The following CDH12 variants were observed in gnomAD, a reference collection of about 807,000 sequenced individuals.
CDH12 encodes the protein cadherin-12.
CDH12 carries 41 observed loss-of-function variants against 74.1 expected under a neutral mutation model. That is an observed-to-expected ratio of 0.55 (90% confidence interval 0.43 to 0.72). CDH12 has a LOEUF of 0.72. Among genes scored for constraint, CDH12 ranks in the 30% least tolerant of loss-of-function variants. CDH12 has a pLI of 0.00. For missense variants in CDH12, 945 were observed against 977.2 expected (o/e 0.97, Z 0.44); for synonymous variants, 399 against 355.0 (o/e 1.12, Z -1.39).
intron 4 of CDH12, among the ~76,000 whole-genome samples, chr5:22,147,589 TA>T (rs147619864): frequency 0.014 from 1,950 of 142,524 alleles, 27 homozygotes; most frequent in African/African-American, 0.038. Flanking sequence ...TAGTTTATCT[TA>T]AAAAAAAAAA....
intron 3 of CDH12, among the ~76,000 whole-genome samples, chr5:22,321,983 C>A (rs1338780946): frequency 6.6e-6 from 1 of 152,050 alleles, no homozygotes; most frequent in East Asian, 1.9e-4. Context: ...AATTCGATAT[C>A]TATTTCATAA....
chr5:21,918,912 A>C (rs1048308086), intron 6 of CDH12, among the ~76,000 whole-genome samples: 20 of 152,178 alleles, frequency 1.3e-4, no homozygotes, highest in Admixed American at 1.1e-3. Flanking sequence ...TCTCTAATGT[A>C]TATTCTATAT....
chr5:22,425,077 T>TAGAG (rs56983010), intron 2 of CDH12, among the ~76,000 whole-genome samples: 2 of 101,724 alleles, frequency 2.0e-5, no homozygotes, highest in South Asian at 3.1e-4. Flanking sequence ...TATATATATA[T>TAGAG]AGAGAGAGAG....
At chr5:22,040,709 C>A (rs2150182972) in intron 5 of CDH12, among the ~76,000 whole-genome samples, 1 of 152,204 alleles carries the variant, frequency 6.6e-6, no homozygotes, top group East Asian at 1.9e-4. Flanking sequence ...AGCTACCAAA[C>A]TTGTCCTTCA....
Position 22,771,159 on chromosome 5 carries a change from C to T in CDH12, c.-523+81899G>A, listed in dbSNP as rs1464080319. 2.0e-5 allele frequency among the ~76,000 whole-genome samples: 3 copies of T among 152,124 alleles called. No homozygotes were observed. The East Asian group carries it at 5.8e-4, about 29-fold the overall frequency. On this transcript the variant is annotated intron_variant, in intron 1 of 14. Transcript: ENST00000382254. The stretch of plus-strand genomic sequence containing the variant: ...CCAAAAAGTCCATGGTTTATTTTGT[C>T]AAATCCTTGAGAAGATAGTTCTATG...
intron 1 of CDH12, among the ~76,000 whole-genome samples, chr5:22,526,056 C>T (rs547787447): frequency 2.0e-5 from 3 of 152,070 alleles, no homozygotes; most frequent in Non-Finnish European, 4.4e-5. Context: ...ATCTTTCTTT[C>T]TCAAAGCCGA....
At chr5:22,639,875 A>G (rs1166395740) in intron 1 of CDH12, among the ~76,000 whole-genome samples, 1 of 152,164 alleles carries the variant, frequency 6.6e-6, no homozygotes, top group Non-Finnish European at 1.5e-5. Flanking sequence ...TTCAGGCCCG[A>G]GTGACTTACA....
At chr5:22,117,512 AATATATATATAATATAT>A (rs1561129242) in intron 4 of CDH12, among the ~76,000 whole-genome samples, 4 of 58,574 alleles carry the variant, frequency 6.8e-5, no homozygotes, top group African/African-American at 2.2e-4. Context: ...ATATATATAT[AATATATATATAATATAT>A]ATATATATAT....
chr5:22,018,630 G>A (rs1470211245), intron 5 of CDH12, among the ~76,000 whole-genome samples: 1 of 152,160 alleles, frequency 6.6e-6, no homozygotes, highest in Admixed American at 6.6e-5. Context: ...TTTGTTTATG[G>A]TTGTTACATA....
chr5:22,571,857 G>A (rs562473494), intron 1 of CDH12, among the ~76,000 whole-genome samples: 7 of 152,136 alleles, frequency 4.6e-5, no homozygotes, highest in Admixed American at 2.0e-4. Flanking sequence ...CATGGTTCAT[G>A]GCACTACAAA....
At chr5:22,494,568 T>C (rs1329518172) in intron 2 of CDH12, among the ~76,000 whole-genome samples, 3 of 152,244 alleles carry the variant, frequency 2.0e-5, no homozygotes, top group Non-Finnish European at 4.4e-5. Flanking sequence ...TGTGATGTTC[T>C]TGTGACCAGA....
At chr5:21,931,596 C>A (rs6452037) in intron 6 of CDH12, among the ~76,000 whole-genome samples, 115,549 of 152,184 alleles carry the variant, frequency 0.76, 46,078 homozygotes, top group East Asian at 0.93. Flanking sequence ...CAGGTTAACA[C>A]ATAAAAATGA....
At chr5:21,976,854 T>G (rs191700308) in intron 5 of CDH12, among the ~76,000 whole-genome samples, 66 of 152,194 alleles carry the variant, frequency 4.3e-4, no homozygotes, top group African/African-American at 1.5e-3. Context: ...TCTGAAAATA[T>G]TTTAAATTAT....
rs150195751 is a variant in CDH12 at position 21,830,009 on chromosome 5, G to A, written c.814+12152C>T. The stretch of plus-strand genomic sequence containing the variant: ...AGGTCAGGAATTTAAGACCAGCTTG[G>A]CCAACATGGTGAAACCCCATCTCTA... On this transcript the variant is annotated intron_variant, in intron 8 of 14. Transcript: ENST00000382254. Among the ~76,000 whole-genome samples the A allele has an allele frequency of 2.4e-4, 36 of 151,636 alleles. 1 individual carries two copies. In the East Asian group the frequency reaches 5.1e-3, roughly 21 times the overall value.
rs116006809 is a variant in CDH12 at position 22,680,727 on chromosome 5, G to T, written c.-523+172331C>A. ...TGGGCAGCCACATAGAGTTTCTGGG[G>T]TTAAATAATACGTACTACTAACTGT... On this transcript the variant is annotated intron_variant, in intron 1 of 14. Transcript: ENST00000382254. 1.6e-3 allele frequency among the ~76,000 whole-genome samples: 248 copies of T among 151,804 alleles called. 1 individual carries two copies. Among genetic ancestry groups the T allele is most frequent in the African/African-American group, 5.8e-3 (239 of 41,218 alleles).
chr5:22,510,486 T>C lies in CDH12; in HGVS notation c.-522-5122A>G, dbSNP rs1292351613. On this transcript the variant is annotated intron_variant, in intron 1 of 14. Coordinates refer to ENST00000382254, the MANE Select transcript of CDH12 (RefSeq NM_004061.5). Reference sequence around the variant, plus strand: ...AGAACAGACTTTTAAATAAGTGGAATAGGAAAAACCCACCATGCAGATGCA... The same window carrying C: ...AGAACAGACTTTTAAATAAGTGGAACAGGAAAAACCCACCATGCAGATGCA... Among the ~76,000 whole-genome samples, 13 of 152,280 alleles carry C rather than the reference T, an allele frequency of 8.5e-5. 1 individual carries two copies. Among genetic ancestry groups the C allele is most frequent in the Admixed American group, 5.9e-4 (9 of 15,296 alleles).
At chr5:22,536,543 A>C (rs1737853683) in intron 1 of CDH12, among the ~76,000 whole-genome samples, 1 of 152,078 alleles carries the variant, frequency 6.6e-6, no homozygotes, top group Admixed American at 6.6e-5. Flanking sequence ...GTTGTTGATG[A>C]TTATGCTAAT....
chr5:22,621,086 A>G (rs1737946527), intron 1 of CDH12, among the ~76,000 whole-genome samples: 1 of 152,102 alleles, frequency 6.6e-6, no homozygotes, highest in Admixed American at 6.6e-5. Flanking sequence ...TTTTTCCTTG[A>G]CTTTGCCAGT....
intron 1 of CDH12, among the ~76,000 whole-genome samples, chr5:22,636,626 A>G (rs768860094): frequency 3.9e-5 from 6 of 152,214 alleles, no homozygotes; most frequent in Non-Finnish European, 5.9e-5. Context: ...AGGCAAATCT[A>G]TAAGAAGATA....
Sources: allele counts gnomAD v4.1 joint callset (sites outside exome capture counted in the v4.1 genomes callset), GRCh38; gene constraint gnomAD v4.1.1; transcripts MANE v1.5; gene names NCBI Gene and HGNC (gene_info 2026-07-23, HGNC 2026-07-21).